Variants in DLC1 observed in about 807,000 individuals in gnomAD.
DLC1 encodes the protein rho GTPase-activating protein 7.
DLC1 carries 54 observed loss-of-function variants against 140.3 expected under a neutral mutation model. That is an observed-to-expected ratio of 0.38 (90% CI 0.31 to 0.48). DLC1 has a LOEUF of 0.48. DLC1 is among the 20% of genes least tolerant of loss of function. The pLI is 0.96. For missense variants in DLC1, 2,536 were observed against 1,907.0 expected (o/e 1.33, Z -6.14); for synonymous variants, 986 against 728.1 (o/e 1.35, Z -5.70).
At chr8:13,273,842 C>G (rs968444448) in intron 5 of DLC1, among the ~76,000 whole-genome samples, 2 of 151,618 alleles carry the variant, frequency 1.3e-5, no homozygotes, top group Admixed American at 6.6e-5. Flanking sequence ...ACGACCAAAC[C>G]CTTTGATTAG....
At chr8:13,091,741 C>A (rs1007117824) in intron 13 of DLC1, among the ~76,000 whole-genome samples, 3 of 152,062 alleles carry the variant, frequency 2.0e-5, no homozygotes, top group African/African-American at 7.2e-5. Context: ...GGGGGAGCAA[C>A]TTCTGAGGAG....
intron 5 of DLC1, among the ~76,000 whole-genome samples, chr8:13,154,282 C>T (rs889631309): frequency 1.3e-5 from 2 of 152,204 alleles, no homozygotes; most frequent in Non-Finnish European, 1.5e-5. Context: ...CTCGGGCCTG[C>T]GGGAGCCCGC....
chr8:13,343,125 T>C (rs1291235240), intron 4 of DLC1, among the ~76,000 whole-genome samples: 2 of 152,216 alleles, frequency 1.3e-5, no homozygotes, highest in African/African-American at 4.8e-5. Flanking sequence ...ACTTGTGACT[T>C]CTATAATTTC....
chr8:13,377,760 T>G (rs952439167), intron 4 of DLC1, among the ~76,000 whole-genome samples: 5 of 152,180 alleles, frequency 3.3e-5, no homozygotes, highest in African/African-American at 1.2e-4. Context: ...GGTCTCTTGT[T>G]TTGGAACATT....
At chr8:13,291,201 G>T (rs111248295) in intron 5 of DLC1, among the ~76,000 whole-genome samples, 2 of 152,138 alleles carry the variant, frequency 1.3e-5, no homozygotes, top group African/African-American at 4.8e-5. Context: ...GAGCCACTGC[G>T]CCTGGCCATG....
At chr8:13,349,652 C>T (rs1348342812) in intron 4 of DLC1, among the ~76,000 whole-genome samples, 2 of 152,102 alleles carry the variant, frequency 1.3e-5, no homozygotes, top group African/African-American at 4.8e-5. Flanking sequence ...CAGAGCTCAC[C>T]AGGTATATAA....
chr8:13,236,402 C>G (rs1290921146), intron 5 of DLC1, among the ~76,000 whole-genome samples: 1 of 152,066 alleles, frequency 6.6e-6, no homozygotes, highest in Non-Finnish European at 1.5e-5. Context: ...GAGATTCTAT[C>G]TGTTCCTCTT....
intron 5 of DLC1, chr8:13,214,496 T>C (rs1828097079): frequency 1.3e-5 from 9 of 666,844 alleles, no homozygotes; most frequent in Non-Finnish European, 2.4e-5. Context: ...TCTCTTATCA[T>C]TGGTGAAACT....
chr8:13,521,461 G>C lies in DLC1; in HGVS notation c.-125-21265C>G, dbSNP rs924435198. ...GTTGGCTTAGAGCCCACAGTCTTCA[G>C]CTTCTCTTATAAGTCTTTCAAATGG... On this transcript the variant is annotated intron_variant, in intron 1 of 1. Transcript: ENST00000631382. Among the ~76,000 whole-genome samples, 3 of 151,882 alleles carry C rather than the reference G, an allele frequency of 2.0e-5. No individual in the cohort carries two copies. The East Asian group carries it at 5.8e-4, about 29-fold the overall frequency.
At chr8:13,391,969 T>C (rs1836783867) in intron 4 of DLC1, among the ~76,000 whole-genome samples, 1 of 152,232 alleles carries the variant, frequency 6.6e-6, no homozygotes, top group African/African-American at 2.4e-5. Context: ...GAGAAGGTTT[T>C]TTAAGAAAAA....
intron 1 of DLC1, among the ~76,000 whole-genome samples, chr8:13,589,431 A>T (rs1805442130): frequency 6.6e-6 from 1 of 152,098 alleles, no homozygotes; most frequent in Non-Finnish European, 1.5e-5. Flanking sequence ...CAGCTTTGAG[A>T]TAGGCACTTT....
intron 5 of DLC1, among the ~76,000 whole-genome samples, chr8:13,246,512 C>T (rs73560351): frequency 0.17 from 26,091 of 151,740 alleles, 2,361 homozygotes; most frequent in African/African-American, 0.23. Context: ...GAGAGTATGA[C>T]TGTGTGTGTG....
At chr8:13,146,421 T>C (rs1394101561) in intron 5 of DLC1, among the ~76,000 whole-genome samples, 1 of 152,118 alleles carries the variant, frequency 6.6e-6, no homozygotes, top group Non-Finnish European at 1.5e-5. Context: ...CCATAACTAG[T>C]GAGCTAGTGA....
intron 1 of DLC1, chr8:13,536,070 C>G (rs146996265): frequency 6.6e-6 from 1 of 152,280 alleles, no homozygotes; most frequent in African/African-American, 2.4e-5. Flanking sequence ...ATCTTGGAAG[C>G]TAAGCAGGAT....
intron 4 of DLC1, among the ~76,000 whole-genome samples, chr8:13,367,811 G>T (rs1251389554): frequency 2.6e-5 from 4 of 152,166 alleles, no homozygotes; most frequent in African/African-American, 9.7e-5. Flanking sequence ...AAGGAAGTGA[G>T]ACAGGAGAGG....
chr8:13,512,419 C>A (rs1802415818), intron 1 of DLC1, among the ~76,000 whole-genome samples: 1 of 152,114 alleles, frequency 6.6e-6, no homozygotes, highest in Non-Finnish European at 1.5e-5. Flanking sequence ...CCATTTTATA[C>A]CACGTTGTTC....
At chr8:13,426,290 C>T (rs1336072141) in intron 2 of DLC1, among the ~76,000 whole-genome samples, 3 of 152,064 alleles carry the variant, frequency 2.0e-5, no homozygotes, top group Admixed American at 1.3e-4. Context: ...GTGGTAGATA[C>T]TCCACAAATA....
intron 5 of DLC1, among the ~76,000 whole-genome samples, chr8:13,193,709 G>A (rs1051329984): frequency 6.8e-4 from 104 of 152,302 alleles, no homozygotes; most frequent in African/African-American, 2.4e-3. Context: ...AAGGGTGAAA[G>A]GATGATTCAA....
intron 12 of DLC1, among the ~76,000 whole-genome samples, chr8:13,094,232 C>T (rs1236691841): frequency 6.6e-6 from 1 of 152,174 alleles, no homozygotes. Flanking sequence ...CGTACAATTG[C>T]ATCAGTCATT....
Sources: allele counts gnomAD v4.1 joint callset (sites outside exome capture counted in the v4.1 genomes callset), GRCh38; gene constraint gnomAD v4.1.1; transcripts MANE v1.5; gene names NCBI Gene and HGNC (gene_info 2026-07-23, HGNC 2026-07-21).